The following CCDC195 variants were observed in gnomAD, a reference collection of about 807,000 sequenced individuals.
CCDC195 encodes the protein coiled-coil domain containing 195, also known as coiled-coil domain-containing protein 195.
At chr2:224,716,151 G>A (rs543596224) in exon 1 of CCDC195, 3 of 398,730 alleles carry the variant, frequency 7.5e-6, no homozygotes, top group Non-Finnish European at 1.3e-5. Context: ...CTGCACTGCT[G>A]GTGCTGCATC....
intron 2 of CCDC195, among the ~76,000 whole-genome samples, chr2:224,704,662 G>A (rs375643305): frequency 8.8e-5 from 11 of 124,752 alleles, no homozygotes; most frequent in East Asian, 7.8e-4. Flanking sequence ...TCATTCTGTC[G>A]CCCAGGCTGG....
At chr2:224,715,396 G>T (rs982409343) in intron 1 of CCDC195, among the ~76,000 whole-genome samples, 1 of 151,746 alleles carries the variant, frequency 6.6e-6, no homozygotes, top group Non-Finnish European at 1.5e-5. Flanking sequence ...AAATGTGAGA[G>T]ATTTGATTTT....
At chr2:224,711,799 G>A (rs769144099) in intron 1 of CCDC195, among the ~76,000 whole-genome samples, 21 of 152,160 alleles carry the variant, frequency 1.4e-4, no homozygotes, top group Non-Finnish European at 2.8e-4. Flanking sequence ...AGGCTGTTTC[G>A]GCTTTTTGTA....
chr2:224,708,401 C>T (rs1359249517), intron 2 of CCDC195, among the ~76,000 whole-genome samples: 1 of 152,172 alleles, frequency 6.6e-6, no homozygotes, highest in Non-Finnish European at 1.5e-5. Context: ...TCTCCATCCT[C>T]ATTTATTTTA....
At chr2:224,711,081 A>T (rs931244122) in intron 1 of CCDC195, among the ~76,000 whole-genome samples, 9 of 152,226 alleles carry the variant, frequency 5.9e-5, no homozygotes, top group Admixed American at 4.6e-4. Flanking sequence ...GTGTCTGATC[A>T]CCTGAATGGC....
chr2:224,709,233 C>T (rs969493967), intron 2 of CCDC195, among the ~76,000 whole-genome samples: 2 of 151,896 alleles, frequency 1.3e-5, no homozygotes, highest in East Asian at 1.9e-4. Context: ...AGGCTACAGG[C>T]GCAGGCCACC....
intron 2 of CCDC195, among the ~76,000 whole-genome samples, chr2:224,709,354 T>C (rs1397032888): frequency 6.6e-6 from 1 of 152,198 alleles, no homozygotes; most frequent in African/African-American, 2.4e-5. Flanking sequence ...CATCCCAAAG[T>C]GCTTTCTTGA....
At chr2:224,706,526 T>G (rs1185612132) in intron 2 of CCDC195, among the ~76,000 whole-genome samples, 2 of 146,490 alleles carry the variant, frequency 1.4e-5, no homozygotes, top group Non-Finnish European at 3.0e-5. Context: ...TTTTTTTTTT[T>G]TTTGAGACAG....
At chr2:224,704,626 T>C (rs1269874319) in intron 2 of CCDC195, among the ~76,000 whole-genome samples, 259 of 108,494 alleles carry the variant, frequency 2.4e-3, no homozygotes, top group Non-Finnish European at 2.8e-3. Context: ...TTTTTTTTTT[T>C]CTTTTTTTTT....
intron 1 of CCDC195, among the ~76,000 whole-genome samples, chr2:224,714,393 G>A (rs1335527817): frequency 8.6e-6 from 1 of 116,936 alleles, no homozygotes; most frequent in Non-Finnish European, 1.7e-5. Flanking sequence ...GTCCCACAGA[G>A]AATAGACTTG....
intron 1 of CCDC195, among the ~76,000 whole-genome samples, chr2:224,715,779 G>A (rs779696699): frequency 1.6e-4 from 24 of 152,222 alleles, no homozygotes; most frequent in African/African-American, 2.4e-4. Flanking sequence ...ATAAGTGTGC[G>A]TGCCATTTGA....
intron 1 of CCDC195, among the ~76,000 whole-genome samples, chr2:224,715,669 A>T (rs1430139789): frequency 4.6e-5 from 7 of 152,200 alleles, no homozygotes; most frequent in Admixed American, 4.6e-4. Flanking sequence ...AGGTCTAATC[A>T]CTGGCTTAGA....
At chr2:224,709,624 A>G (rs1689289006) in intron 2 of CCDC195, among the ~76,000 whole-genome samples, 1 of 152,190 alleles carries the variant, frequency 6.6e-6, no homozygotes, top group Non-Finnish European at 1.5e-5. Context: ...TGCAGTAGAT[A>G]GTTTACTTGT....
At chr2:224,707,226 T>A (rs115641981) in intron 2 of CCDC195, among the ~76,000 whole-genome samples, 63,308 of 151,724 alleles carry the variant, frequency 0.42, 13,190 homozygotes, top group East Asian at 0.47. Flanking sequence ...ACCCAAGAAC[T>A]TTTTACAAAA....
chr2:224,710,827 T>C (rs545725160), intron 1 of CCDC195, among the ~76,000 whole-genome samples: 2 of 152,216 alleles, frequency 1.3e-5, no homozygotes, highest in South Asian at 4.2e-4. Flanking sequence ...TAGTAATACA[T>C]TCTAGGAAGG....
chr2:224,709,594 C>T (rs1689288746), intron 2 of CCDC195, among the ~76,000 whole-genome samples: 1 of 152,228 alleles, frequency 6.6e-6, no homozygotes, highest in African/African-American at 2.4e-5. Flanking sequence ...ACTGTGCCTA[C>T]TCCCTGAGAT....
intron 2 of CCDC195, among the ~76,000 whole-genome samples, chr2:224,707,993 TCCCTC>T (rs748671505): frequency 0.26 from 11,643 of 45,312 alleles, 974 homozygotes; most frequent in East Asian, 0.38. Flanking sequence ...CCTCCCTCCC[TCCCTC>T]CCTTCCTTCC....
chr2:224,712,415 T>C (rs1418024612), intron 1 of CCDC195, among the ~76,000 whole-genome samples: 1 of 152,214 alleles, frequency 6.6e-6, no homozygotes, highest in African/African-American at 2.4e-5. Flanking sequence ...CTACCAAATA[T>C]TTGTGCACTA....
chr2:224,704,973 C>T (rs768222460), intron 2 of CCDC195, among the ~76,000 whole-genome samples: 2 of 152,128 alleles, frequency 1.3e-5, no homozygotes, highest in Non-Finnish European at 2.9e-5. Context: ...CTTCCAAGCA[C>T]TGGAATCAAT....
Sources: gnomAD v4.1 joint callset for allele counts (sites outside exome capture counted in the v4.1 genomes callset) on GRCh38, gnomAD v4.1.1 for gene constraint, MANE v1.5 for transcripts, NCBI Gene and HGNC (gene_info 2026-07-23, HGNC 2026-07-21) for gene names.